The following AGBL4 variants were observed in gnomAD, a reference collection of about 807,000 sequenced individuals.
AGBL4 encodes AGBL carboxypeptidase 4, also known as cytosolic carboxypeptidase 6.
In AGBL4, 58 loss-of-function variants were observed where a neutral mutation model predicts 66.4. That is an observed-to-expected ratio of 0.87 (90% confidence interval 0.71 to 1.09). AGBL4 has a LOEUF of 1.09. Ranked by LOEUF, AGBL4 falls within the 50% of genes least tolerant of loss-of-function variation. The pLI is 0.00. For synonymous variants in AGBL4, 234 were observed against 222.9 expected (o/e 1.05, Z -0.44); for missense variants, 579 against 631.0 (o/e 0.92, Z 0.88).
intron 6 of AGBL4, among the ~76,000 whole-genome samples, chr1:48,671,627 G>A (rs1283242278): frequency 6.6e-6 from 1 of 152,204 alleles, no homozygotes; most frequent in Non-Finnish European, 1.5e-5. Context: ...TCAGGTCTAT[G>A]TATATGACTT....
intron 3 of AGBL4, among the ~76,000 whole-genome samples, chr1:49,535,189 T>C (rs950345590): frequency 1.3e-5 from 2 of 152,056 alleles, no homozygotes; most frequent in African/African-American, 4.8e-5. Flanking sequence ...AATAACTTTA[T>C]AGATTAAAAA....
intron 6 of AGBL4, among the ~76,000 whole-genome samples, chr1:48,763,829 G>GCATC (rs1296408561): frequency 1.3e-5 from 2 of 152,208 alleles, no homozygotes; most frequent in Admixed American, 6.5e-5. Flanking sequence ...TGAAGTCTGT[G>GCATC]CATCCATCCA....
At chr1:49,225,198 A>C (rs1002621205) in intron 4 of AGBL4, among the ~76,000 whole-genome samples, 7 of 152,158 alleles carry the variant, frequency 4.6e-5, no homozygotes, top group African/African-American at 7.2e-5. Flanking sequence ...CACAAATCCT[A>C]CCTTCAGTAT....
intron 3 of AGBL4, among the ~76,000 whole-genome samples, chr1:49,284,329 T>C (rs1250482010): frequency 6.7e-6 from 1 of 150,260 alleles, no homozygotes; most frequent in African/African-American, 2.5e-5. Flanking sequence ...TGCTGAGAGA[T>C]TTTGTCACCA....
intron 3 of AGBL4, among the ~76,000 whole-genome samples, chr1:49,561,348 A>G (rs138168323): frequency 6.6e-6 from 1 of 151,864 alleles, no homozygotes; most frequent in African/African-American, 2.4e-5. Context: ...TTTAGGGTAC[A>G]TGTGCACAAC....
At chr1:49,921,136 C>A (rs568719320) in intron 1 of AGBL4, among the ~76,000 whole-genome samples, 4 of 151,774 alleles carry the variant, frequency 2.6e-5, no homozygotes, top group Non-Finnish European at 4.4e-5. Context: ...ATATACCTAA[C>A]GTAAATGATG....
At chr1:48,595,474 G>T (rs1421730920) in intron 9 of AGBL4, among the ~76,000 whole-genome samples, 3 of 152,240 alleles carry the variant, frequency 2.0e-5, no homozygotes, top group Non-Finnish European at 2.9e-5. Context: ...AGGGGTGTGT[G>T]TCACAAATGT....
At chr1:49,983,559 C>T (rs776187744) in intron 1 of AGBL4, among the ~76,000 whole-genome samples, 2 of 152,222 alleles carry the variant, frequency 1.3e-5, no homozygotes, top group Non-Finnish European at 2.9e-5. Flanking sequence ...GCATCTTTGC[C>T]CTAGTTTTGC....
chr1:48,891,362 T>A (rs143534984), intron 5 of AGBL4, among the ~76,000 whole-genome samples: 1 of 150,760 alleles, frequency 6.6e-6, no homozygotes, highest in East Asian at 2.0e-4. Flanking sequence ...AACAACAGAG[T>A]CAAAAATGAC....
intron 6 of AGBL4, among the ~76,000 whole-genome samples, chr1:48,710,436 A>G (rs561651756): frequency 1.3e-5 from 2 of 152,292 alleles, no homozygotes; most frequent in African/African-American, 4.8e-5. Context: ...CAGGAGCCAG[A>G]GCGTGGGGTG....
At chr1:49,825,271 G>T (rs1334092554) in intron 2 of AGBL4, among the ~76,000 whole-genome samples, 1 of 152,130 alleles carries the variant, frequency 6.6e-6, no homozygotes, top group Non-Finnish European at 1.5e-5. Context: ...AAACAATCAT[G>T]CATCTTATTT....
intron 2 of AGBL4, among the ~76,000 whole-genome samples, chr1:49,774,277 T>C (rs1644140699): frequency 6.6e-6 from 1 of 152,162 alleles, no homozygotes; most frequent in Non-Finnish European, 1.5e-5. Context: ...CTTTTCCCCA[T>C]AAGTAGAAGT....
chr1:49,077,955 A>G (rs1644741006), intron 4 of AGBL4, among the ~76,000 whole-genome samples: 1 of 152,164 alleles, frequency 6.6e-6, no homozygotes, highest in South Asian at 2.1e-4. Flanking sequence ...GCATTGTTAC[A>G]TTTTATTCAT....
chr1:49,656,524 G>A (rs1646137502), intron 3 of AGBL4, among the ~76,000 whole-genome samples: 1 of 152,270 alleles, frequency 6.6e-6, no homozygotes, highest in Admixed American at 6.5e-5. Flanking sequence ...GCATCATCCT[G>A]ATACCAAAGC....
At chr1:48,762,197 C>T (rs1644293044) in intron 6 of AGBL4, among the ~76,000 whole-genome samples, 1 of 152,128 alleles carries the variant, frequency 6.6e-6, no homozygotes, top group African/African-American at 2.4e-5. Flanking sequence ...CCTCTGGCAC[C>T]TCGCCCACTG....
chr1:49,847,583 T>C (rs1401064847), intron 2 of AGBL4, among the ~76,000 whole-genome samples: 3 of 151,984 alleles, frequency 2.0e-5, no homozygotes, highest in African/African-American at 7.2e-5. Context: ...GATATCCAAA[T>C]ATCCAAAATT....
chr1:49,379,031 A>T (rs1260255306), intron 3 of AGBL4, among the ~76,000 whole-genome samples: 1 of 152,096 alleles, frequency 6.6e-6, no homozygotes, highest in Non-Finnish European at 1.5e-5. Context: ...AGGCCTCTGG[A>T]TAAGGAAAAT....
intron 3 of AGBL4, among the ~76,000 whole-genome samples, chr1:49,367,364 C>T (rs1317447274): frequency 6.6e-6 from 1 of 152,178 alleles, no homozygotes; most frequent in African/African-American, 2.4e-5. Context: ...ACTTCCTCCC[C>T]TCTCTCTTGC....
In AGBL4 at chr1:49,851,556, C is replaced by T. The variant is rs543739052; in HGVS notation, c.35-38G>A. 2.1e-4 allele frequency: 319 copies of T among 1,539,310 alleles called. 2 individuals are homozygous for T. In the East Asian group the frequency reaches 4.4e-3, roughly 21 times the overall value. On this transcript the variant is annotated intron_variant, in intron 1 of 13. Coordinates refer to ENST00000371839, the MANE Select transcript of AGBL4 (RefSeq NM_032785.4). ...ATTGAAATAAAAGTCAAAGTATATT[C>T]GGCAATTGAAGTCTAGTCAGATTTT... is the stretch of plus-strand genomic sequence containing the variant.
Sources: allele counts gnomAD v4.1 joint callset (sites outside exome capture counted in the v4.1 genomes callset), GRCh38; gene constraint gnomAD v4.1.1; transcripts MANE v1.5; gene names NCBI Gene and HGNC (gene_info 2026-07-23, HGNC 2026-07-21).